Variants in PCDHA8 observed in about 807,000 individuals in gnomAD.
The protein encoded by PCDHA8 is protocadherin alpha 8, also known as protocadherin alpha-8.
A neutral mutation model predicts 61.8 loss-of-function variants in PCDHA8; 53 were observed. The ratio of observed to expected loss-of-function variants is 0.86; its 90% CI spans 0.69 to 1.08. The LOEUF (loss-of-function observed/expected upper bound fraction) is 1.08. Ranked by LOEUF, PCDHA8 falls within the 50% of genes least tolerant of loss-of-function variation. PCDHA8 has a pLI of 0.00. For missense variants in PCDHA8, 1,293 were observed against 1,245.0 expected (o/e 1.04, Z -0.58); for synonymous variants, 618 against 556.6 (o/e 1.11, Z -1.55).
chr5:140,841,776 T>C lies in PCDHA8; in HGVS notation c.455T>C (p.Phe152Ser), dbSNP rs2150322536. 1 of 1,613,906 alleles carries C rather than the reference T, an allele frequency of 6.2e-7. No homozygotes were observed. The highest frequency in any genetic ancestry group is 1.7e-5 in the Admixed American group (1 of 60,002). ...VSESRMPDSR[F>S]PLEGASDADV... ...GAATCCAGAATGCCAGACTCTCGGTTTCCGCTAGAGGGCGCGTCCGATGCA... is the reference window on the plus strand; with the variant it reads ...GAATCCAGAATGCCAGACTCTCGGTCTCCGCTAGAGGGCGCGTCCGATGCA... The change falls in exon 1 of 4, where the codon TTT (phenylalanine) becomes TCT (serine). Residue 152 changes from phenylalanine to serine, a missense_variant. Phe to Ser is a radical substitution (Grantham distance 155). Transcript: ENST00000531613.
chr5:140,990,205 G>T (rs2097380865), intron 3 of PCDHA8, among the ~76,000 whole-genome samples: 1 of 152,116 alleles, frequency 6.6e-6, no homozygotes, highest in Non-Finnish European at 1.5e-5. Context: ...ACCCGAAAGA[G>T]AACAAAGAGA....
intron 1 of PCDHA8, chr5:140,869,884 G>C: frequency 1.9e-6 from 3 of 1,610,396 alleles, no homozygotes; most frequent in Non-Finnish European, 2.5e-6. Context: ...AGAAACTCTT[G>C]TGCTCAAACT....
chr5:140,862,903 C>T lies in PCDHA8; in HGVS notation c.2394+19188C>T, dbSNP rs7714617. 5.0e-3 allele frequency: 2,780 copies of T among 551,318 alleles called. 56 individuals are homozygous for T. Among genetic ancestry groups the T allele is most frequent in the African/African-American group, 0.05 (2,518 of 50,680 alleles). 34.2% of individuals were successfully genotyped at this position (551,318 alleles called of 1,614,324 possible). ...TGCTGGAACGACAACTTTGTCTGCG[C>T]TGCTGGCGCCTTGGGTGGGCTGGCG... On this transcript the variant is annotated intron_variant, in intron 1 of 3. Transcript: ENST00000531613.
At chr5:140,967,789 T>A (rs782032459) in intron 1 of PCDHA8, 2 of 1,614,076 alleles carry the variant, frequency 1.2e-6, no homozygotes, top group Non-Finnish European at 1.7e-6. Context: ...CTGACCGGGG[T>A]CCAGTGCCCA....
chr5:140,855,191 C>T (rs1029956602), intron 1 of PCDHA8, among the ~76,000 whole-genome samples: 1 of 149,742 alleles, frequency 6.7e-6, no homozygotes, highest in East Asian at 1.9e-4. Flanking sequence ...CAAATTGAGG[C>T]CTGAGAATAG....
intron 1 of PCDHA8, among the ~76,000 whole-genome samples, chr5:140,888,153 G>A (rs2061714988): frequency 6.6e-6 from 1 of 152,056 alleles, no homozygotes; most frequent in African/African-American, 2.4e-5. Context: ...TTGCATGACT[G>A]GTAATCTCTA....
intron 1 of PCDHA8, chr5:140,856,443 T>C: frequency 6.3e-7 from 1 of 1,598,282 alleles, no homozygotes; most frequent in Non-Finnish European, 8.6e-7. Flanking sequence ...CCGCCCAGGT[T>C]CTCCGTAACA....
rs1290458104 is a variant in PCDHA8 at position 140,849,842 on chromosome 5, C to T, written c.2394+6127C>T. 18 of 1,598,416 alleles carry T rather than the reference C, an allele frequency of 1.1e-5. 3 individuals carry two copies. Among genetic ancestry groups the T allele is most frequent in the Admixed American group, 1.7e-5 (1 of 59,304 alleles). On this transcript the variant is annotated intron_variant, in intron 1 of 3. Coordinates refer to ENST00000531613, the MANE Select transcript of PCDHA8 (RefSeq NM_018911.3). The stretch of plus-strand genomic sequence containing the variant: ...TGTCTGTGGAGGTGGCCGACGTGAA[C>T]GACAACGCACCAGCGTTCGCGCAGT...
chr5:140,924,052 A>G (rs948483906), intron 1 of PCDHA8, among the ~76,000 whole-genome samples: 1 of 152,244 alleles, frequency 6.6e-6, no homozygotes, highest in Non-Finnish European at 1.5e-5. Context: ...AGTTCGGTAC[A>G]TCTTTACAGT....
At chr5:140,880,198 G>C (rs1360437780) in intron 1 of PCDHA8, among the ~76,000 whole-genome samples, 1 of 152,164 alleles carries the variant, frequency 6.6e-6, no homozygotes, top group Non-Finnish European at 1.5e-5. Flanking sequence ...ATAAACAGAA[G>C]AGGTTTTCCA....
chr5:140,969,310 T>C, intron 1 of PCDHA8: 2 of 1,614,198 alleles, frequency 1.2e-6, no homozygotes, highest in East Asian at 2.2e-5. Context: ...TTCTCAAAAA[T>C]GAGGCTGTTT....
chr5:141,006,567 C>T (rs2098278386), intron 3 of PCDHA8, among the ~76,000 whole-genome samples: 1 of 152,030 alleles, frequency 6.6e-6, no homozygotes, highest in Admixed American at 6.6e-5. Flanking sequence ...ACTCTGGCTA[C>T]TGTGTGGAGG....
At position 140,843,422 on chromosome 5, in the gene PCDHA8, A is replaced by T. The variant is rs2150359586; in HGVS notation, c.2101A>T (p.Ile701Phe). The T allele has an allele frequency of 9.4e-6, 15 of 1,595,774 alleles. 3 individuals are homozygous for T. Among genetic ancestry groups the T allele is most frequent in the Admixed American group, 5.1e-5 (3 of 59,266 alleles). ...AALVDVNVYL[I>F]IAICAVSSLL... The stretch of plus-strand genomic sequence containing the variant: ...GCTGGTGGATGTCAACGTGTACCTG[A>T]TCATCGCCATCTGCGCGGTATCCAG... The change falls in exon 1 of 4, where the codon ATC (isoleucine) becomes TTC (phenylalanine). Residue 701 changes from isoleucine (I) to phenylalanine (F), a missense_variant. By Grantham distance (21) the Ile-to-Phe change is conservative. Transcript: ENST00000531613.
intron 1 of PCDHA8, among the ~76,000 whole-genome samples, chr5:140,951,398 A>T (rs1428015395): frequency 6.6e-6 from 1 of 152,100 alleles, no homozygotes; most frequent in Non-Finnish European, 1.5e-5. Flanking sequence ...TTATAAAGAA[A>T]AGAGGTTTAA....
chr5:140,898,843 C>G (rs1449030828), intron 1 of PCDHA8, among the ~76,000 whole-genome samples: 17 of 152,100 alleles, frequency 1.1e-4, no homozygotes, highest in Non-Finnish European at 1.3e-4. Context: ...TCTTCCATTT[C>G]TTTGTATCCT....
intron 1 of PCDHA8, among the ~76,000 whole-genome samples, chr5:140,937,417 A>T (rs1226073587): frequency 5.3e-5 from 8 of 152,154 alleles, no homozygotes; most frequent in African/African-American, 1.9e-4. Context: ...CTTTTATTAG[A>T]TAGCTGATAT....
intron 1 of PCDHA8, among the ~76,000 whole-genome samples, chr5:140,932,490 A>G (rs1330943965): frequency 6.6e-6 from 1 of 151,852 alleles, no homozygotes; most frequent in South Asian, 2.1e-4. Context: ...CCTCTTTGCA[A>G]TGTCATTTGT....
intron 1 of PCDHA8, among the ~76,000 whole-genome samples, chr5:140,975,411 G>A (rs868983297): frequency 6.6e-6 from 1 of 152,236 alleles, no homozygotes; most frequent in African/African-American, 2.4e-5. Flanking sequence ...CAGTCTTGGA[G>A]ACTATTCAGG....
chr5:140,890,043 G>GT (rs1255415089), intron 1 of PCDHA8, among the ~76,000 whole-genome samples: 1 of 152,192 alleles, frequency 6.6e-6, no homozygotes, highest in Non-Finnish European at 1.5e-5. Context: ...ACTGTAGTGT[G>GT]TTGGAGCTGG....
Sources: gnomAD v4.1 joint callset for allele counts (sites outside exome capture counted in the v4.1 genomes callset) on GRCh38, gnomAD v4.1.1 for gene constraint, MANE v1.5 for transcripts, NCBI Gene and HGNC (gene_info 2026-07-23, HGNC 2026-07-21) for gene names.